KCNMA1: variants seen among roughly 807,000 people sequenced by gnomAD.
The protein encoded by KCNMA1 is Calcium-activated potassium channel subunit alpha-1.
Under a neutral mutation model 140.0 loss-of-function variants are expected in KCNMA1, and 29 were observed. That is an observed-to-expected ratio of 0.21 (90% CI 0.15 to 0.28). KCNMA1 has a LOEUF of 0.28. KCNMA1 is among the 10% of genes least tolerant of loss of function. The pLI is 1.00. For synonymous variants in KCNMA1, 612 were observed against 611.9 expected (o/e 1.00, Z 0.00); for missense variants, 880 against 1,602.2 (o/e 0.55, Z 7.70).
chr10:76,960,077 C>A (rs1408824530), intron 20 of KCNMA1, among the ~76,000 whole-genome samples: 3 of 152,190 alleles, frequency 2.0e-5, no homozygotes, highest in African/African-American at 7.2e-5. Context: ...CAAAACACCC[C>A]AAGTTGCAGT....
At chr10:77,166,008 G>A (rs149313768) in intron 5 of KCNMA1, among the ~76,000 whole-genome samples, 56 of 152,264 alleles carry the variant, frequency 3.7e-4, no homozygotes, top group African/African-American at 1.3e-3. Context: ...GTCTCTGCGG[G>A]CTATGGGAGG....
chr10:76,998,952 T>G (rs1401554453), intron 19 of KCNMA1, among the ~76,000 whole-genome samples: 2 of 152,332 alleles, frequency 1.3e-5, no homozygotes, highest in Admixed American at 1.3e-4. Flanking sequence ...TTTTGTTTGA[T>G]GGAGTGATGA....
chr10:76,991,053 G>T (rs534568353), intron 19 of KCNMA1, among the ~76,000 whole-genome samples: 8 of 152,154 alleles, frequency 5.3e-5, no homozygotes, highest in Non-Finnish European at 1.0e-4. Context: ...TACCCTGACC[G>T]CCATAAAAGG....
intron 5 of KCNMA1, among the ~76,000 whole-genome samples, chr10:77,153,199 A>C (rs540238329): frequency 6.6e-6 from 1 of 152,314 alleles, no homozygotes; most frequent in East Asian, 1.9e-4. Context: ...ATGTATGCCA[A>C]CTTTCAGTGT....
Position 76,886,457 on chromosome 10 carries a change from G to A in KCNMA1, c.*809C>T. ...AAAGAAAAAAAATAGCTATTCATATGGCAACATAAGGAGACAGAATAACAA... is the reference window on the plus strand; with the variant it reads ...AAAGAAAAAAAATAGCTATTCATATAGCAACATAAGGAGACAGAATAACAA... On this transcript the variant is annotated 3_prime_UTR_variant, in exon 28 of 28. Transcript: ENST00000286628. 2 of 984,896 alleles carry A rather than the reference G, an allele frequency of 2.0e-6. No individual in the cohort carries two copies. Among genetic ancestry groups the A allele is most frequent in the South Asian group, 4.7e-5 (1 of 21,270 alleles). The allele number at this position is 984,896 out of a possible 1,614,324, so 61.0% of individuals were successfully genotyped here.
chr10:77,532,486 G>A (rs1249384785), intron 1 of KCNMA1, among the ~76,000 whole-genome samples: 1 of 152,142 alleles, frequency 6.6e-6, no homozygotes, highest in African/African-American at 2.4e-5. Context: ...AAGGAGGTAG[G>A]GTTGGTTTAT....
In KCNMA1 at chr10:76,887,381, G is replaced by A; in HGVS notation, c.3596C>T (p.Ser1199Phe). The A allele has an allele frequency of 6.2e-7, 1 of 1,614,156 alleles. No individual in the cohort carries two copies. The highest frequency in any genetic ancestry group is 1.3e-5 in the African/African-American group (1 of 75,046). ...GTGAACAGAGGAGCTCTTCTTGCTG[G>A]AGGACTGCGACGAGTGGGAGGAATG... ...LSHSSHSSQS[S>F]SKKSSSVHSI... The change falls in exon 28 of 28, where the codon TCC (serine) becomes TTC (phenylalanine). Residue 1199 changes from serine to phenylalanine, a missense_variant. Ser to Phe is a radical substitution (Grantham distance 155, BLOSUM62 -2). Around this residue, in one of 13 missense-constraint regions of KCNMA1, gnomAD observed 115 missense variants for 139.9 expected, o/e 0.82. Transcript: ENST00000286628.
chr10:77,380,844 G>A (rs957146761), intron 2 of KCNMA1, among the ~76,000 whole-genome samples: 1 of 152,180 alleles, frequency 6.6e-6, no homozygotes, highest in African/African-American at 2.4e-5. Context: ...CAGCGTGTCT[G>A]CTGTTTACTT....
chr10:77,521,104 G>A (rs1337140860), intron 1 of KCNMA1, among the ~76,000 whole-genome samples: 2 of 152,208 alleles, frequency 1.3e-5, no homozygotes, highest in Non-Finnish European at 2.9e-5. Context: ...TGTGACAGAT[G>A]AGAAAGAACC....
intron 2 of KCNMA1, among the ~76,000 whole-genome samples, chr10:77,296,524 A>G (rs1321263970): frequency 2.0e-5 from 3 of 152,150 alleles, no homozygotes; most frequent in Non-Finnish European, 4.4e-5. Context: ...CAACTAATTC[A>G]TGTGTCAGAA....
At chr10:77,025,934 C>T (rs2093405595) in intron 16 of KCNMA1, among the ~76,000 whole-genome samples, 1 of 150,160 alleles carries the variant, frequency 6.7e-6, no homozygotes, top group Non-Finnish European at 1.5e-5. Context: ...AAGCTGGCAA[C>T]TGCACAAAGA....
chr10:77,577,194 C>A (rs1399766906), intron 1 of KCNMA1, among the ~76,000 whole-genome samples: 1 of 151,876 alleles, frequency 6.6e-6, no homozygotes, highest in Non-Finnish European at 1.5e-5. Context: ...TTACAGGCGC[C>A]CACCACCATG....
At chr10:76,945,840 A>G (rs993297820) in intron 22 of KCNMA1, among the ~76,000 whole-genome samples, 2 of 152,118 alleles carry the variant, frequency 1.3e-5, no homozygotes, top group South Asian at 4.1e-4. Context: ...AATTACATAT[A>G]TATAAATGTA....
chr10:77,042,538 T>C (rs532158880), intron 14 of KCNMA1, among the ~76,000 whole-genome samples: 9 of 152,354 alleles, frequency 5.9e-5, no homozygotes, highest in Non-Finnish European at 1.3e-4. Context: ...AGCCTATTCT[T>C]TTCATATGTG....
At chr10:77,281,769 T>C (rs753732222) in intron 2 of KCNMA1, among the ~76,000 whole-genome samples, 4 of 152,214 alleles carry the variant, frequency 2.6e-5, no homozygotes, top group Non-Finnish European at 5.9e-5. Context: ...TTATGCTGCA[T>C]ACAAAAAAGC....
At chr10:77,126,717 A>AACCCCCCCCCC (rs781116991) in intron 5 of KCNMA1, among the ~76,000 whole-genome samples, 1 of 68,418 alleles carries the variant, frequency 1.5e-5, no homozygotes, top group African/African-American at 5.3e-5. Context: ...GGTGCCCCCC[A>AACCCCCCCCCC]CCCCCCCACC....
intron 23 of KCNMA1, among the ~76,000 whole-genome samples, chr10:76,923,190 A>C (rs2056503092): frequency 6.6e-6 from 1 of 151,878 alleles, no homozygotes; most frequent in Admixed American, 6.5e-5. Flanking sequence ...TTTGCCCATT[A>C]AGATTCGTAA....
At chr10:77,149,416 T>G (rs541155925) in intron 5 of KCNMA1, among the ~76,000 whole-genome samples, 1 of 152,308 alleles carries the variant, frequency 6.6e-6, no homozygotes, top group Non-Finnish European at 1.5e-5. Context: ...TATTTCAACA[T>G]TTTTTTCCTA....
In KCNMA1 at chr10:76,972,900, T is replaced by C. The variant is rs567390886; in HGVS notation, c.2267-2833A>G. 5.9e-5 allele frequency: 9 copies of C among 152,348 alleles called. No homozygotes were observed. The East Asian group carries it at 1.3e-3, about 23-fold the overall frequency. The allele number at this position is 152,348 out of a possible 1,614,324, so 9.4% of individuals were successfully genotyped here. On this transcript the variant is annotated intron_variant, in intron 19 of 27. Coordinates refer to ENST00000286628, the MANE Select transcript of KCNMA1 (RefSeq NM_001161352.2). ...AACCATATTTAATTATCAGCCTTTA[T>C]ATGGATCCTATCAATTTCTGCATAA... is the stretch of plus-strand genomic sequence containing the variant.
Sources: allele counts gnomAD v4.1 joint callset (sites outside exome capture counted in the v4.1 genomes callset), GRCh38; gene constraint gnomAD v4.1.1; regional missense constraint gnomAD v4.1.1; transcripts MANE v1.5; gene names NCBI Gene and HGNC (gene_info 2026-07-23, HGNC 2026-07-21).